The following KIFAP3 variants were observed in gnomAD, a reference collection of about 807,000 sequenced individuals.
The protein encoded by KIFAP3 is kinesin associated protein 3.
A neutral mutation model predicts 106.5 loss-of-function variants in KIFAP3; 68 were observed. The observed-to-expected ratio is 0.64, with a 90% CI of 0.53 to 0.78. The LOEUF (loss-of-function observed/expected upper bound fraction) is 0.78, where lower values mean the gene tolerates loss of function less well. Ranked by LOEUF, KIFAP3 falls within the 30% of genes least tolerant of loss-of-function variation. The pLI is 0.00. For synonymous variants in KIFAP3, 320 were observed against 311.5 expected, an observed-to-expected ratio of 1.03 and a Z score of -0.29; for missense variants, 780 against 941.8, an observed-to-expected ratio of 0.83 and a Z score of 2.25.
At chr1:169,938,128 C>A (rs545742120) in intron 19 of KIFAP3, among the ~76,000 whole-genome samples, 2 of 151,784 alleles carry the variant, frequency 1.3e-5, no homozygotes, top group Admixed American at 1.3e-4. Flanking sequence ...ATAAGAGTTG[C>A]TTTTGAAAAT....
intron 19 of KIFAP3, among the ~76,000 whole-genome samples, chr1:169,949,818 G>T (rs1383205497): frequency 6.6e-6 from 1 of 152,012 alleles, no homozygotes; most frequent in Non-Finnish European, 1.5e-5. Flanking sequence ...TCTAAATGTT[G>T]GGAAATCCTG....
intron 1 of KIFAP3, among the ~76,000 whole-genome samples, chr1:170,063,024 T>A (rs1671265003): frequency 6.6e-6 from 1 of 152,028 alleles, no homozygotes; most frequent in South Asian, 2.1e-4. Flanking sequence ...CTCTATCGAC[T>A]CTAAAACAAA....
At chr1:170,083,829 T>C (rs1448300498) in intron 1 of KIFAP3, among the ~76,000 whole-genome samples, 1 of 152,234 alleles carries the variant, frequency 6.6e-6, no homozygotes, top group Non-Finnish European at 1.5e-5. Context: ...AATACCCATA[T>C]TGCCAAAGAT....
intron 1 of KIFAP3, chr1:170,067,589 G>A (rs1671506819): frequency 6.6e-6 from 1 of 152,254 alleles, no homozygotes; most frequent in South Asian, 2.1e-4. Flanking sequence ...GGTTCTAGAG[G>A]AGTCAAGTGG....
intron 5 of KIFAP3, among the ~76,000 whole-genome samples, chr1:170,036,700 G>A (rs1367705283): frequency 6.6e-6 from 1 of 152,004 alleles, no homozygotes; most frequent in Admixed American, 6.6e-5. Flanking sequence ...TTAAATACTA[G>A]CCTATACAGA....
chr1:170,066,179 C>G (rs953298953), intron 1 of KIFAP3, among the ~76,000 whole-genome samples: 161 of 149,268 alleles, frequency 1.1e-3, no homozygotes, highest in Non-Finnish European at 1.9e-3. Flanking sequence ...GCCTACACCC[C>G]CCCCCCCATT....
At chr1:169,973,793 T>C (rs947602406) in intron 16 of KIFAP3, among the ~76,000 whole-genome samples, 2 of 151,862 alleles carry the variant, frequency 1.3e-5, no homozygotes, top group African/African-American at 4.8e-5. Context: ...AAGACATTTA[T>C]TATCCATAGA....
intron 8 of KIFAP3, among the ~76,000 whole-genome samples, chr1:170,028,661 T>G (rs1425806158): frequency 6.6e-6 from 1 of 152,150 alleles, no homozygotes; most frequent in East Asian, 1.9e-4. Context: ...ATAACATATG[T>G]ATAAGTATAA....
At chr1:169,930,091 G>C (rs1350901010) in intron 19 of KIFAP3, among the ~76,000 whole-genome samples, 1 of 152,106 alleles carries the variant, frequency 6.6e-6, no homozygotes, top group African/African-American at 2.4e-5. Context: ...CCTGCCTCCA[G>C]AGTAATATTT....
intron 5 of KIFAP3, among the ~76,000 whole-genome samples, chr1:170,035,820 A>C (rs1234863602): frequency 6.6e-6 from 1 of 152,102 alleles, no homozygotes; most frequent in Non-Finnish European, 1.5e-5. Flanking sequence ...TTATGGTGAC[A>C]ATAAAATAAT....
chr1:170,033,547 G>C (rs1669523503), intron 7 of KIFAP3, among the ~76,000 whole-genome samples: 1 of 151,728 alleles, frequency 6.6e-6, no homozygotes. Context: ...AGGGGCCTTT[G>C]ATCTAGAAGC....
chr1:170,077,457 G>A (rs543601545), upstream of KIFAP3, among the ~76,000 whole-genome samples: 18 of 152,316 alleles, frequency 1.2e-4, no homozygotes, highest in Admixed American at 3.9e-4. Context: ...ATGCAGCAGA[G>A]AAAGTTGATG....
intron 1 of KIFAP3, among the ~76,000 whole-genome samples, chr1:170,063,729 A>G (rs368671671): frequency 9.4e-4 from 143 of 152,088 alleles, no homozygotes; most frequent in African/African-American, 3.1e-3. Context: ...TTACATCGAT[A>G]CCTGAGGGAA....
chr1:169,925,095 T>C (rs1427980395), intron 19 of KIFAP3, among the ~76,000 whole-genome samples: 1 of 152,178 alleles, frequency 6.6e-6, no homozygotes, highest in Non-Finnish European at 1.5e-5. Context: ...TGTCTCTGTA[T>C]GTACATAGTT....
intron 1 of KIFAP3, 89 bp downstream of exon 1, chr1:170,074,347 G>C: frequency 2.1e-6 from 3 of 1,463,128 alleles, no homozygotes; most frequent in East Asian, 4.7e-5. Context: ...TGCTAAACTA[G>C]CGTTGCCCAG....
In KIFAP3 at chr1:170,035,379, C is replaced by A; in HGVS notation, c.617+75G>T. ...AAAAACTGAGAGAACAAGTGATCTA[C>A]AAATTGAATCAATGACACAGACAAA... is the stretch of plus-strand genomic sequence containing the variant. On this transcript the variant is annotated intron_variant, in intron 6 of 19. Coordinates refer to ENST00000361580, the MANE Select transcript of KIFAP3 (RefSeq NM_014970.4). 3.5e-6 allele frequency: 3 copies of A among 852,258 alleles called. No homozygotes were observed. In the East Asian group the frequency reaches 8.6e-5, roughly 24 times the overall value. 52.8% of individuals were successfully genotyped at this position (852,258 alleles called of 1,614,324 possible).
At chr1:170,075,156 A>G (rs1201900363), upstream of KIFAP3, among the ~76,000 whole-genome samples, 1 of 152,182 alleles carries the variant, frequency 6.6e-6, no homozygotes, top group African/African-American at 2.4e-5. Context: ...ACAGCAACAA[A>G]AAACAGTTCC....
chr1:170,050,915 C>T (rs926916425), intron 2 of KIFAP3, among the ~76,000 whole-genome samples: 1 of 152,056 alleles, frequency 6.6e-6, no homozygotes, highest in Admixed American at 6.6e-5. Context: ...ACCAATGACA[C>T]TGAAGAAACT....
At chr1:170,038,790 AG>A (rs1293007707) in intron 4 of KIFAP3, among the ~76,000 whole-genome samples, 1 of 152,218 alleles carries the variant, frequency 6.6e-6, no homozygotes, top group East Asian at 1.9e-4. Flanking sequence ...TTAATTGTCT[AG>A]AAAGCACACC....
Sources: allele counts gnomAD v4.1 joint callset (sites outside exome capture counted in the v4.1 genomes callset), GRCh38; gene constraint gnomAD v4.1.1; transcripts MANE v1.5; gene names NCBI Gene and HGNC (gene_info 2026-07-23, HGNC 2026-07-21).